The following DENND1A variants were observed in gnomAD, a reference collection of about 807,000 sequenced individuals.
The protein encoded by DENND1A is DENN domain-containing protein 1A.
In DENND1A, 51 loss-of-function variants were observed where a neutral mutation model predicts 113.7. That is an observed-to-expected ratio of 0.45 (90% CI 0.36 to 0.57). The LOEUF (loss-of-function observed/expected upper bound fraction) is 0.57, where lower values mean the gene tolerates loss of function less well. Among genes scored for constraint, DENND1A ranks in the 20% least tolerant of loss-of-function variants. The pLI is 0.00. For missense variants in DENND1A, 1,258 were observed against 1,395.9 expected (o/e 0.90, Z 1.57); for synonymous variants, 565 against 570.8 (o/e 0.99, Z 0.14).
intron 19 of DENND1A, chr9:123,414,512 A>G: frequency 6.5e-7 from 1 of 1,546,356 alleles, no homozygotes; most frequent in South Asian, 1.2e-5. Context: ...GTGTGAAGGG[A>G]AAAAAGGAGG....
At chr9:123,929,180 C>T (rs546758354) in intron 1 of DENND1A, among the ~76,000 whole-genome samples, 1 of 152,292 alleles carries the variant, frequency 6.6e-6, no homozygotes, top group African/African-American at 2.4e-5. Flanking sequence ...CAACAATTTC[C>T]CCGGAAAGCT....
intron 5 of DENND1A, among the ~76,000 whole-genome samples, chr9:123,704,172 A>T (rs900605200): frequency 2.0e-5 from 3 of 152,074 alleles, no homozygotes; most frequent in African/African-American, 4.8e-5. Flanking sequence ...AATGGAACTC[A>T]GAAAAGTAAA....
At chr9:123,454,715 G>C in intron 16 of DENND1A, 24 bp downstream of exon 16, 1 of 1,552,672 alleles carries the variant, frequency 6.4e-7, no homozygotes, top group Non-Finnish European at 8.7e-7. Context: ...AGTCCAGGGG[G>C]CTCTGAATTG....
chr9:123,529,740 C>T (rs747277160), intron 13 of DENND1A, among the ~76,000 whole-genome samples: 2 of 152,238 alleles, frequency 1.3e-5, no homozygotes, highest in Non-Finnish European at 2.9e-5. Flanking sequence ...AAGTCACATT[C>T]ATCTTCCCAA....
At chr9:123,656,136 C>A (rs1220397251) in intron 8 of DENND1A, among the ~76,000 whole-genome samples, 1 of 152,184 alleles carries the variant, frequency 6.6e-6, no homozygotes, top group Non-Finnish European at 1.5e-5. Flanking sequence ...TTGGTCTGGG[C>A]CTCCAAACAG....
chr9:123,877,405 C>T (rs1217754701), intron 2 of DENND1A, among the ~76,000 whole-genome samples: 2 of 152,020 alleles, frequency 1.3e-5, no homozygotes, highest in Non-Finnish European at 2.9e-5. Context: ...AGAAGAATTG[C>T]TTGAATCCAG....
chr9:123,537,736 C>T (rs2055894310), intron 13 of DENND1A, among the ~76,000 whole-genome samples: 1 of 151,922 alleles, frequency 6.6e-6, no homozygotes, highest in African/African-American at 2.4e-5. Flanking sequence ...GACAGCAACA[C>T]TTTGCGAGAA....
In DENND1A at chr9:123,929,909, C is replaced by A; in HGVS notation, c.-4G>T. 1 of 340,986 alleles carries A rather than the reference C, an allele frequency of 2.9e-6. No individual in the cohort carries two copies. Among genetic ancestry groups the A allele is most frequent in the South Asian group, 4.1e-5 (1 of 24,286 alleles). 21.1% of individuals were successfully genotyped at this position (340,986 alleles called of 1,614,324 possible). On this transcript the variant is annotated 5_prime_UTR_variant, in exon 1 of 24. Transcript: ENST00000394215. ...CTCACTTGATCCTGGAGCCCATGGT[C>A]CCCAGGCCTCCTCATGGGCCCGCGG... is the stretch of plus-strand genomic sequence containing the variant.
intron 6 of DENND1A, among the ~76,000 whole-genome samples, chr9:123,676,247 A>G (rs1477920904): frequency 1.3e-5 from 2 of 152,210 alleles, no homozygotes; most frequent in Non-Finnish European, 2.9e-5. Context: ...AAGTTACTGT[A>G]AAAGCACCAC....
At chr9:123,673,608 C>T (rs2063874769) in intron 6 of DENND1A, among the ~76,000 whole-genome samples, 2 of 152,156 alleles carry the variant, frequency 1.3e-5, no homozygotes, top group Admixed American at 6.5e-5. Flanking sequence ...GCTCACTGCT[C>T]CTTAGTATTG....
chr9:123,648,504 T>C (rs1042184320), intron 9 of DENND1A, among the ~76,000 whole-genome samples: 1 of 152,262 alleles, frequency 6.6e-6, no homozygotes, highest in Non-Finnish European at 1.5e-5. Context: ...AATTTTTCCA[T>C]TGACAGGCTT....
intron 13 of DENND1A, among the ~76,000 whole-genome samples, chr9:123,476,158 TG>T (rs1373651622): frequency 6.6e-6 from 1 of 150,734 alleles, no homozygotes; most frequent in Non-Finnish European, 1.5e-5. Context: ...CACTACAGCC[TG>T]GGTGACAGAG....
chr9:123,779,672 G>T (rs1830969424), intron 3 of DENND1A, among the ~76,000 whole-genome samples: 1 of 151,978 alleles, frequency 6.6e-6, no homozygotes, highest in Non-Finnish European at 1.5e-5. Flanking sequence ...GCTAATTTTT[G>T]TATTTTTGGT....
intron 11 of DENND1A, among the ~76,000 whole-genome samples, chr9:123,603,288 A>T (rs76096349): frequency 0.036 from 5,544 of 152,326 alleles, 111 homozygotes; most frequent in African/African-American, 0.059. Context: ...AGGAAAAAAA[A>T]TCCCATTACT....
At chr9:123,746,029 G>A (rs986705082) in intron 5 of DENND1A, among the ~76,000 whole-genome samples, 3 of 152,162 alleles carry the variant, frequency 2.0e-5, no homozygotes, top group Non-Finnish European at 4.4e-5. Context: ...ATACATAGGT[G>A]AAAAAATTAA....
At chr9:123,525,333 G>C (rs899439627) in intron 13 of DENND1A, among the ~76,000 whole-genome samples, 1 of 152,190 alleles carries the variant, frequency 6.6e-6, no homozygotes, top group Admixed American at 6.5e-5. Context: ...ACTCTTGTTG[G>C]GGGTAAGTGG....
At chr9:123,551,767 A>G (rs1183258858) in intron 13 of DENND1A, among the ~76,000 whole-genome samples, 1 of 152,152 alleles carries the variant, frequency 6.6e-6, no homozygotes, top group Non-Finnish European at 1.5e-5. Context: ...ACACATCACC[A>G]GGGAGCCAAC....
chr9:123,448,847 A>G (rs1454137380), intron 18 of DENND1A, among the ~76,000 whole-genome samples: 2 of 152,242 alleles, frequency 1.3e-5, no homozygotes, highest in Non-Finnish European at 2.9e-5. Flanking sequence ...CGACCCTTTC[A>G]AGTTAATTAG....
intron 2 of DENND1A, among the ~76,000 whole-genome samples, chr9:123,861,207 T>C (rs1427096266): frequency 1.3e-5 from 2 of 152,172 alleles, no homozygotes; most frequent in Non-Finnish European, 1.5e-5. Context: ...TATTCTGCCA[T>C]CTCAATTTAT....
Sources: gnomAD v4.1 joint callset for allele counts (sites outside exome capture counted in the v4.1 genomes callset) on GRCh38, gnomAD v4.1.1 for gene constraint, MANE v1.5 for transcripts, NCBI Gene and HGNC (gene_info 2026-07-23, HGNC 2026-07-21) for gene names.